ZNF385B: variants seen among roughly 807,000 people sequenced by gnomAD.
ZNF385B encodes the protein zinc finger protein 385B, also known as zinc finger protein 533.
Under a neutral mutation model 39.2 loss-of-function variants are expected in ZNF385B, and 23 were observed. The ratio of observed to expected loss-of-function variants is 0.59; its 90% CI spans 0.42 to 0.83. The LOEUF (loss-of-function observed/expected upper bound fraction) is 0.83. Ranked by LOEUF, ZNF385B falls within the 40% of genes least tolerant of loss-of-function variation. The pLI, the probability that ZNF385B is intolerant of heterozygous loss-of-function variation, is 0.00. For missense variants in ZNF385B, 552 were observed against 598.9 expected (o/e 0.92, Z 0.82); for synonymous variants, 205 against 222.6 (o/e 0.92, Z 0.70).
intron 1 of ZNF385B, among the ~76,000 whole-genome samples, chr2:179,792,151 C>T (rs1054867161): frequency 1.3e-5 from 2 of 152,072 alleles, no homozygotes; most frequent in African/African-American, 4.8e-5. Context: ...AAGACAAGTG[C>T]CTTTTTCTTT....
intron 6 of ZNF385B, among the ~76,000 whole-genome samples, chr2:179,473,331 C>G (rs2053012921): frequency 6.6e-6 from 1 of 152,124 alleles, no homozygotes; most frequent in South Asian, 2.1e-4. Context: ...CTGTTGCATG[C>G]CAGCATGTCA....
intron 3 of ZNF385B, among the ~76,000 whole-genome samples, chr2:179,755,392 G>A (rs1157077729): frequency 1.3e-5 from 2 of 152,298 alleles, no homozygotes; most frequent in Non-Finnish European, 2.9e-5. Flanking sequence ...GTGGTGCTGA[G>A]AAGAATGTAT....
chr2:179,844,684 A>T (rs1708709797), intron 1 of ZNF385B, among the ~76,000 whole-genome samples: 1 of 152,234 alleles, frequency 6.6e-6, no homozygotes, highest in African/African-American at 2.4e-5. Flanking sequence ...CTGATACTGC[A>T]AAAAGGTTGG....
intron 3 of ZNF385B, among the ~76,000 whole-genome samples, chr2:179,754,755 T>C (rs1702900934): frequency 6.6e-6 from 1 of 152,338 alleles, no homozygotes; most frequent in East Asian, 1.9e-4. Flanking sequence ...GTAGTTTGTA[T>C]TTCTTTGGGA....
chr2:179,534,477 C>G (rs1031733275), intron 4 of ZNF385B, among the ~76,000 whole-genome samples: 1 of 152,080 alleles, frequency 6.6e-6, no homozygotes. Context: ...CACAGCCTCT[C>G]ATTAAATTCC....
chr2:179,515,344 G>T (rs917829054), intron 5 of ZNF385B, among the ~76,000 whole-genome samples: 3 of 152,104 alleles, frequency 2.0e-5, no homozygotes, highest in Admixed American at 1.3e-4. Flanking sequence ...TCTTTTGCAC[G>T]ATTTTTGCAA....
intron 3 of ZNF385B, among the ~76,000 whole-genome samples, chr2:179,662,469 C>T (rs1694611583): frequency 6.6e-6 from 1 of 151,686 alleles, no homozygotes; most frequent in Non-Finnish European, 1.5e-5. Context: ...ATTACCACAG[C>T]CTTAGCAAAC....
chr2:179,486,034 T>C (rs1192039473), intron 5 of ZNF385B, among the ~76,000 whole-genome samples: 1 of 152,044 alleles, frequency 6.6e-6, no homozygotes, highest in Admixed American at 6.6e-5. Flanking sequence ...AATAATCACG[T>C]GGGGAGAAAA....
intron 3 of ZNF385B, among the ~76,000 whole-genome samples, chr2:179,701,271 G>A (rs900270042): frequency 6.6e-6 from 1 of 151,990 alleles, no homozygotes; most frequent in South Asian, 2.1e-4. Context: ...AAATAGCCAG[G>A]GTAAGGATTC....
chr2:179,451,824 T>C (rs2105592851), intron 6 of ZNF385B, among the ~76,000 whole-genome samples: 1 of 152,266 alleles, frequency 6.6e-6, no homozygotes, highest in East Asian at 1.9e-4. Context: ...AATTGCTTGA[T>C]ATTTTTATGA....
intron 3 of ZNF385B, among the ~76,000 whole-genome samples, chr2:179,765,449 C>G (rs76508191): frequency 0.049 from 7,412 of 152,242 alleles, 258 homozygotes; most frequent in Middle Eastern, 0.099. Flanking sequence ...GCTCAGGTAG[C>G]AGTGTTTATG....
chr2:179,608,677 A>G (rs377409355), intron 3 of ZNF385B, among the ~76,000 whole-genome samples: 15 of 152,138 alleles, frequency 9.9e-5, no homozygotes, highest in African/African-American at 3.6e-4. Context: ...ATAAAATAAC[A>G]TACAGATTCT....
At chr2:179,653,048 T>G (rs952507) in intron 3 of ZNF385B, among the ~76,000 whole-genome samples, 22,353 of 152,116 alleles carry the variant, frequency 0.15, 1,750 homozygotes, top group Non-Finnish European at 0.17. Context: ...TAAAAATTTT[T>G]TAAGTAATTG....
chr2:179,704,923 T>C (rs1249875548), intron 3 of ZNF385B, among the ~76,000 whole-genome samples: 1 of 152,164 alleles, frequency 6.6e-6, no homozygotes, highest in African/African-American at 2.4e-5. Context: ...CTTAGAATAC[T>C]TGCAGCTATC....
intron 3 of ZNF385B, among the ~76,000 whole-genome samples, chr2:179,747,525 T>C (rs1279258849): frequency 2.0e-5 from 3 of 152,122 alleles, no homozygotes; most frequent in African/African-American, 4.8e-5. Context: ...TCTTCTGTCC[T>C]CTCTGCCTCA....
At chr2:179,450,688 G>A (rs543972405) in intron 6 of ZNF385B, among the ~76,000 whole-genome samples, 1 of 152,068 alleles carries the variant, frequency 6.6e-6, no homozygotes, top group Non-Finnish European at 1.5e-5. Context: ...GGAAGTCAGT[G>A]TGGCGATTCC....
chr2:179,632,561 G>C (rs187536305), intron 3 of ZNF385B, among the ~76,000 whole-genome samples: 1 of 152,258 alleles, frequency 6.6e-6, no homozygotes, highest in South Asian at 2.1e-4. Context: ...AGTGTGTAGA[G>C]GGAAATTTAT....
intron 6 of ZNF385B, among the ~76,000 whole-genome samples, chr2:179,464,608 C>A (rs895903870): frequency 2.0e-5 from 3 of 152,174 alleles, no homozygotes; most frequent in African/African-American, 7.2e-5. Flanking sequence ...AGTAGGGAAT[C>A]TTTTCCCCAT....
intron 3 of ZNF385B, among the ~76,000 whole-genome samples, chr2:179,587,926 T>C (rs2106059382): frequency 6.6e-6 from 1 of 152,256 alleles, no homozygotes; most frequent in Non-Finnish European, 1.5e-5. Flanking sequence ...ATGCTTAGGG[T>C]CTCTCAAAAG....
Sources: allele counts gnomAD v4.1 joint callset (sites outside exome capture counted in the v4.1 genomes callset), GRCh38; gene constraint gnomAD v4.1.1; transcripts MANE v1.5; gene names NCBI Gene and HGNC (gene_info 2026-07-23, HGNC 2026-07-21).